Variants in RIC1 observed in about 807,000 individuals in gnomAD.
RIC1 encodes the protein RIC1 partner of RAB6A GEF complex.
A neutral mutation model predicts 169.0 loss-of-function variants in RIC1; 88 were observed. The observed-to-expected ratio is 0.52, with a 90% CI of 0.44 to 0.62. The LOEUF is 0.62. Among genes scored for constraint, RIC1 ranks in the 20% least tolerant of loss-of-function variants. RIC1 has a pLI of 0.00. For synonymous variants in RIC1, 790 were observed against 601.5 expected (o/e 1.31, Z -4.59); for missense variants, 1,877 against 1,725.5 (o/e 1.09, Z -1.56).
At chr9:5,651,493 T>A (rs1818797383) in intron 1 of RIC1, among the ~76,000 whole-genome samples, 2 of 151,474 alleles carry the variant, frequency 1.3e-5, no homozygotes, top group South Asian at 4.2e-4. Flanking sequence ...ATATAATGAA[T>A]CATTTCCTTT....
chr9:5,676,796 C>T (rs1005899290), intron 2 of RIC1, among the ~76,000 whole-genome samples: 1 of 152,174 alleles, frequency 6.6e-6, no homozygotes, highest in Non-Finnish European at 1.5e-5. Context: ...TAAATTAAGT[C>T]ATACACTGTA....
chr9:5,728,321 T>G (rs969692883), intron 6 of RIC1, among the ~76,000 whole-genome samples: 2 of 152,254 alleles, frequency 1.3e-5, no homozygotes, highest in African/African-American at 4.8e-5. Flanking sequence ...CAAGGCTCCA[T>G]GGGCATGGGA....
At chr9:5,743,034 T>A (rs1310813102) in intron 9 of RIC1, 21 bp downstream of exon 9, 6 of 1,596,396 alleles carry the variant, frequency 3.8e-6, no homozygotes, top group Non-Finnish European at 5.1e-6. Flanking sequence ...AAAGACAATT[T>A]TTAGATAAAA....
intron 3 of RIC1, among the ~76,000 whole-genome samples, chr9:5,709,512 C>G (rs1176439605): frequency 6.6e-6 from 1 of 152,126 alleles, no homozygotes; most frequent in East Asian, 1.9e-4. Flanking sequence ...ATTCCTGTCT[C>G]AAAAGATTAC....
At chr9:5,729,426 G>A (rs1465622943) in intron 6 of RIC1, among the ~76,000 whole-genome samples, 1 of 152,096 alleles carries the variant, frequency 6.6e-6, no homozygotes, top group South Asian at 2.1e-4. Context: ...AGCCTTTCGT[G>A]TACCCTACAA....
At chr9:5,646,609 C>G (rs954123323) in intron 1 of RIC1, among the ~76,000 whole-genome samples, 2 of 152,064 alleles carry the variant, frequency 1.3e-5, no homozygotes, top group East Asian at 1.9e-4. Context: ...ACCTTATAGC[C>G]AAGGTGTGTA....
intron 2 of RIC1, among the ~76,000 whole-genome samples, chr9:5,672,742 A>G (rs779860217): frequency 2.6e-5 from 4 of 152,182 alleles, no homozygotes; most frequent in African/African-American, 4.8e-5. Context: ...GGGTGGGGCT[A>G]TGTGGAAAAA....
At chr9:5,735,472 G>T (rs553468081) in intron 7 of RIC1, among the ~76,000 whole-genome samples, 1 of 152,200 alleles carries the variant, frequency 6.6e-6, no homozygotes, top group African/African-American at 2.4e-5. Context: ...GGAAGTACTA[G>T]CCCTTCCCAG....
intron 21 of RIC1, 145 bp downstream of exon 21, chr9:5,765,943 C>A: frequency 1.0e-6 from 1 of 974,406 alleles, no homozygotes; most frequent in Non-Finnish European, 1.5e-6. Flanking sequence ...AGAGGCCACA[C>A]AGAAGGCTTC....
intron 18 of RIC1, 73 bp downstream of exon 18, chr9:5,762,733 T>G: frequency 6.6e-7 from 1 of 1,509,828 alleles, no homozygotes; most frequent in Non-Finnish European, 9.0e-7. Flanking sequence ...ATGAAACAAT[T>G]TAAGAGAAGA....
intron 2 of RIC1, among the ~76,000 whole-genome samples, chr9:5,660,582 C>G (rs1336610745): frequency 6.6e-6 from 1 of 152,074 alleles, no homozygotes; most frequent in African/African-American, 2.4e-5. Context: ...GTGGTTTTGA[C>G]TTGAATTTCT....
chr9:5,746,881 T>C (rs1386234209), intron 11 of RIC1, among the ~76,000 whole-genome samples: 2 of 152,170 alleles, frequency 1.3e-5, no homozygotes, highest in African/African-American at 4.8e-5. Flanking sequence ...ATTATTCCAC[T>C]TGAAGACTAA....
rs576752778 is a variant in RIC1, at chr9:5,763,166, A to C, written c.2139A>C (p.Leu713=). ...KLLPFCPPVV[L]AQSVENVWTT... ...TGCCATTCTGTCCTCCTGTTGTACT[A>C]GCCCAGTCTGTTGAAAATGTCTGGA... Residue 713 remains leucine, a synonymous_variant, in exon 19 of 26, where the codon CTA becomes CTC. Coordinates refer to ENST00000414202, the MANE Select transcript of RIC1 (RefSeq NM_020829.4). The surrounding 1 kb of genome is among the most constrained non-coding windows in gnomAD (Gnocchi z 5.2). 45 of 1,614,132 alleles carry C rather than the reference A, an allele frequency of 2.8e-5. No homozygotes were observed. The South Asian group carries it at 4.8e-4, about 17-fold the overall frequency.
intron 18 of RIC1, 59 bp downstream of exon 18, chr9:5,762,719 AG>A: frequency 6.4e-7 from 1 of 1,558,608 alleles, no homozygotes; most frequent in Non-Finnish European, 8.7e-7. Flanking sequence ...ATGAGGATGA[AG>A]GAATGAAACA....
At chr9:5,724,562 G>T (rs953315743) in intron 6 of RIC1, among the ~76,000 whole-genome samples, 2 of 152,090 alleles carry the variant, frequency 1.3e-5, no homozygotes, top group Non-Finnish European at 2.9e-5. Context: ...TCTTTCTTCT[G>T]CCTGATTGCT....
At chr9:5,697,433 G>A (rs1235952639) in intron 3 of RIC1, among the ~76,000 whole-genome samples, 1 of 152,110 alleles carries the variant, frequency 6.6e-6, no homozygotes, top group African/African-American at 2.4e-5. Flanking sequence ...CTGGGCACTA[G>A]TTTGGTACCA....
chr9:5,674,889 A>C lies in RIC1; in HGVS notation c.253-15070A>C, dbSNP rs542856114. 5.9e-5 allele frequency among the ~76,000 whole-genome samples: 9 copies of C among 152,336 alleles called. 1 individual carries two copies. The highest frequency in any genetic ancestry group is 2.2e-4 in the African/African-American group (9 of 41,588). On this transcript the variant is annotated intron_variant, in intron 2 of 25. Transcript: ENST00000414202. ...GCATATGCTTAACCTTGGCAAAATA[A>C]ACTTCTAAATTGATTGAGACCTGTC...
At chr9:5,729,700 C>G (rs1156622746) in intron 6 of RIC1, among the ~76,000 whole-genome samples, 1 of 151,968 alleles carries the variant, frequency 6.6e-6, no homozygotes, top group Non-Finnish European at 1.5e-5. Flanking sequence ...TGTTGTCATT[C>G]TGTTTGGTAT....
chr9:5,720,401 C>T, intron 5 of RIC1, 77 bp downstream of exon 5: 2 of 1,414,880 alleles, frequency 1.4e-6, no homozygotes, highest in South Asian at 2.7e-5. Flanking sequence ...TATGGATGAA[C>T]ACTTCTTTGG....
Sources: allele counts gnomAD v4.1 joint callset (sites outside exome capture counted in the v4.1 genomes callset), GRCh38; gene constraint gnomAD v4.1.1; non-coding constraint Gnocchi (gnomAD v3.1); transcripts MANE v1.5; gene names NCBI Gene and HGNC (gene_info 2026-07-23, HGNC 2026-07-21).